The following PHF21A variants were observed in gnomAD, a reference collection of about 807,000 sequenced individuals.
PHF21A encodes the protein BHC80a.
A neutral mutation model predicts 82.5 loss-of-function variants in PHF21A; 11 were observed. The observed-to-expected ratio is 0.13, with a 90% CI of 0.08 to 0.22. The LOEUF (loss-of-function observed/expected upper bound fraction) is 0.22. Among genes scored for constraint, PHF21A ranks in the 10% least tolerant of loss-of-function variants. The pLI is 1.00. For missense variants in PHF21A, 579 were observed against 837.8 expected (o/e 0.69, Z 3.81); for synonymous variants, 297 against 302.8 (o/e 0.98, Z 0.20).
chr11:45,936,662 G>T, intron 16 of PHF21A, 93 bp from the exon 17 acceptor site: 1 of 838,602 alleles, frequency 1.2e-6, no homozygotes. Context: ...GCTACTGGCA[G>T]ATAAAATCCA....
chr11:46,089,029 A>G (rs983876587), intron 3 of PHF21A, among the ~76,000 whole-genome samples: 1 of 128,942 alleles, frequency 7.8e-6, no homozygotes, highest in African/African-American at 2.9e-5. Context: ...TTAACTAACG[A>G]TAAGTCCATG....
At chr11:45,963,291 G>A (rs2093225517) in intron 10 of PHF21A, among the ~76,000 whole-genome samples, 1 of 151,758 alleles carries the variant, frequency 6.6e-6, no homozygotes, top group Non-Finnish European at 1.5e-5. Flanking sequence ...GAGATGGCGG[G>A]CACCTGTAAT....
At chr11:46,001,688 A>C (rs756589458) in intron 6 of PHF21A, among the ~76,000 whole-genome samples, 8 of 152,228 alleles carry the variant, frequency 5.3e-5, no homozygotes, top group Non-Finnish European at 1.2e-4. Flanking sequence ...GGCTGTGTGC[A>C]TCAGAGTTAA....
chr11:46,060,093 A>T (rs927655648), intron 6 of PHF21A, among the ~76,000 whole-genome samples: 1 of 152,132 alleles, frequency 6.6e-6, no homozygotes, highest in African/African-American at 2.4e-5. Context: ...GACTTAAAGG[A>T]TCTAAAACAT....
chr11:46,084,428 AT>A (rs540260739), intron 3 of PHF21A, 126 bp from the exon 4 acceptor site: 32 of 434,638 alleles, frequency 7.4e-5, no homozygotes, highest in East Asian at 6.6e-4. Flanking sequence ...TCCCAAAGAG[AT>A]TTTTTTTCCC....
intron 15 of PHF21A, among the ~76,000 whole-genome samples, chr11:45,939,771 C>CAAAAAAAAAAAAAAAAAAAAA (rs56931455): frequency 1.7e-5 from 1 of 60,386 alleles, no homozygotes. Flanking sequence ...GAACATAGCC[C>CAAAAAAAAAAAAAAAAAAAAA]AAAAAAAAAA....
At chr11:46,106,362 A>G (rs2097152434) in intron 1 of PHF21A, among the ~76,000 whole-genome samples, 1 of 152,232 alleles carries the variant, frequency 6.6e-6, no homozygotes, top group Admixed American at 6.5e-5. Context: ...AATAATTACA[A>G]TATGTTTTGC....
At chr11:45,958,449 T>TATACAC (rs780397923) in intron 10 of PHF21A, among the ~76,000 whole-genome samples, 1 of 15,078 alleles carries the variant, frequency 6.6e-5, no homozygotes, top group Admixed American at 1.5e-3. Flanking sequence ...TATATATATA[T>TATACAC]ACACACACAC....
At chr11:46,060,919 T>C (rs756366730) in intron 6 of PHF21A, among the ~76,000 whole-genome samples, 5 of 152,240 alleles carry the variant, frequency 3.3e-5, no homozygotes, top group Admixed American at 6.5e-5. Context: ...GCTGAGGTTA[T>C]CTACCAGGGT....
chr11:46,001,988 C>T (rs917949067), intron 6 of PHF21A, among the ~76,000 whole-genome samples: 14 of 152,030 alleles, frequency 9.2e-5, no homozygotes, highest in African/African-American at 2.9e-4. Flanking sequence ...TATGGCAAGA[C>T]GATGCCATTT....
In PHF21A at chr11:45,953,615, G is replaced by C; in HGVS notation, c.1007C>G (p.Ser336Cys). The change falls in exon 11 of 19, where the codon TCT (serine) becomes TGT (cysteine). Residue 336 changes from serine (S) to cysteine (C), a missense_variant. Physicochemically the swap from Ser to Cys is moderately radical, Grantham distance 112. This residue lies in a region of PHF21A where 410 missense variants were observed against 642.1 expected (regional missense o/e 0.64). Coordinates refer to ENST00000676320, the MANE Select transcript of PHF21A (RefSeq NM_001352027.3). ...TTGTTTCTCATCTGTTTCTGTGTGA[G>C]ATTTAACTGTCTAGGAGAGAAAAAT... ...KPSLEKQTVKSHTETDEKQTE... is the reference protein window; with the variant it reads ...KPSLEKQTVKCHTETDEKQTE... 1 of 1,609,524 alleles carries C rather than the reference G, an allele frequency of 6.2e-7. No individual in the cohort carries two copies. The highest frequency in any genetic ancestry group is 1.3e-5 in the African/African-American group (1 of 74,938).
intron 6 of PHF21A, among the ~76,000 whole-genome samples, chr11:46,024,778 T>A (rs61882538): frequency 1.3e-5 from 2 of 151,982 alleles, no homozygotes; most frequent in Non-Finnish European, 2.9e-5. Context: ...CCAGCCTGGG[T>A]GACCAAGTGA....
chr11:45,953,710 A>G (rs2092381973), intron 10 of PHF21A, 85 bp from the exon 11 acceptor site: 1 of 769,346 alleles, frequency 1.3e-6, no homozygotes, highest in Non-Finnish European at 2.2e-6. Context: ...GTAGTAGTCA[A>G]GAAGAAAGAA....
chr11:45,943,280 G>C (rs918344813), intron 15 of PHF21A, among the ~76,000 whole-genome samples: 1 of 151,868 alleles, frequency 6.6e-6, no homozygotes, highest in Non-Finnish European at 1.5e-5. Context: ...ACACCAGTAT[G>C]CCCGGCTAAT....
chr11:46,035,034 G>C (rs993123034), intron 6 of PHF21A, among the ~76,000 whole-genome samples: 53 of 152,300 alleles, frequency 3.5e-4, no homozygotes, highest in African/African-American at 1.3e-3. Context: ...ACTAGTCTAT[G>C]AGGACTGAAG....
chr11:45,992,838 C>CT (rs967029826), intron 6 of PHF21A, among the ~76,000 whole-genome samples: 1 of 152,168 alleles, frequency 6.6e-6, no homozygotes, highest in Non-Finnish European at 1.5e-5. Context: ...ATCAAAACAG[C>CT]TTAAAGTACC....
intron 1 of PHF21A, among the ~76,000 whole-genome samples, chr11:46,100,508 G>T (rs2097080023): frequency 1.3e-5 from 2 of 152,088 alleles, no homozygotes; most frequent in African/African-American, 4.8e-5. Context: ...ATACCACAAA[G>T]TCTTCTTAAG....
intron 9 of PHF21A, among the ~76,000 whole-genome samples, chr11:45,968,688 GGAGGCC>G (rs1215092257): frequency 1.3e-5 from 2 of 152,076 alleles, no homozygotes; most frequent in Non-Finnish European, 2.9e-5. Context: ...CAGCACTTTG[GGAGGCC>G]GAGGCAGGTG....
chr11:46,003,343 C>G (rs761073999), intron 6 of PHF21A, among the ~76,000 whole-genome samples: 1 of 151,692 alleles, frequency 6.6e-6, no homozygotes. Flanking sequence ...AGTCATCACT[C>G]AGACTCTCTT....
Sources: allele counts gnomAD v4.1 joint callset (sites outside exome capture counted in the v4.1 genomes callset), GRCh38; gene constraint gnomAD v4.1.1; regional missense constraint gnomAD v4.1.1; transcripts MANE v1.5; gene names NCBI Gene and HGNC (gene_info 2026-07-23, HGNC 2026-07-21).